CADM1: variants seen among roughly 807,000 people sequenced by gnomAD.
CADM1 encodes TSLC-1.
CADM1 carries 15 observed loss-of-function variants against 53.1 expected under a neutral mutation model. The ratio of observed to expected loss-of-function variants is 0.28; its 90% CI spans 0.19 to 0.44. CADM1 has a LOEUF of 0.44. Among genes scored for constraint, CADM1 ranks in the 20% least tolerant of loss-of-function variants. CADM1 has a pLI of 1.00. For synonymous variants in CADM1, 281 were observed against 243.0 expected, an observed-to-expected ratio of 1.16 and a Z score of -1.45; for missense variants, 434 against 611.3, an observed-to-expected ratio of 0.71 and a Z score of 3.06.
At chr11:115,212,974 T>G (rs989474581) in intron 7 of CADM1, among the ~76,000 whole-genome samples, 1 of 152,234 alleles carries the variant, frequency 6.6e-6, no homozygotes, top group Non-Finnish European at 1.5e-5. Context: ...CACAAAATGT[T>G]TCTTCTCTTG....
intron 1 of CADM1, among the ~76,000 whole-genome samples, chr11:115,305,996 A>G (rs1397745117): frequency 1.3e-5 from 2 of 151,000 alleles, no homozygotes; most frequent in African/African-American, 4.9e-5. Context: ...ATTTTCCTAT[A>G]TATCAAACCA....
intron 1 of CADM1, among the ~76,000 whole-genome samples, chr11:115,503,522 G>A (rs1177288863): frequency 6.6e-6 from 1 of 151,990 alleles, no homozygotes; most frequent in African/African-American, 2.4e-5. Flanking sequence ...GCGGGCTGCG[G>A]GCTCCCGGCG....
intron 1 of CADM1, among the ~76,000 whole-genome samples, chr11:115,289,594 T>A (rs1212026693): frequency 6.0e-5 from 2 of 33,058 alleles, no homozygotes; most frequent in Non-Finnish European, 8.5e-5. Context: ...TTTTTTTTTC[T>A]TTTTTTTTTT....
chr11:115,502,291 C>G (rs977398312), intron 1 of CADM1, among the ~76,000 whole-genome samples: 1 of 145,094 alleles, frequency 6.9e-6, no homozygotes, highest in African/African-American at 2.6e-5. Context: ...AGTCAAAAAG[C>G]AATATCCCCG....
intron 1 of CADM1, among the ~76,000 whole-genome samples, chr11:115,449,347 T>C (rs1406982168): frequency 1.3e-5 from 2 of 152,236 alleles, no homozygotes; most frequent in East Asian, 1.9e-4. Flanking sequence ...ATAGCACAGA[T>C]GCTCTCTGCT....
intron 1 of CADM1, among the ~76,000 whole-genome samples, chr11:115,439,048 G>A (rs1480766179): frequency 6.6e-6 from 1 of 152,130 alleles, no homozygotes; most frequent in Non-Finnish European, 1.5e-5. Context: ...GGGTGCACTG[G>A]GTCTTCTACC....
chr11:115,198,331 A>G, intron 9 of CADM1, 75 bp downstream of exon 9: 2 of 1,116,022 alleles, frequency 1.8e-6, no homozygotes, highest in Non-Finnish European at 2.6e-6. Flanking sequence ...TGAAGACTAC[A>G]TTTCTCTTTT....
Position 115,178,885 on chromosome 11 carries a change from G to A in CADM1, c.1166-110C>T, listed in dbSNP as rs547686009. The stretch of plus-strand genomic sequence containing the variant: ...GGTCACCTTCTTTTTTAATGGAGGA[G>A]TCACAGAGAACAATCGAGATGGATC... On this transcript the variant is annotated intron_variant, in intron 10 of 11. Transcript: ENST00000331581. The A allele has an allele frequency of 1.1e-5, 13 of 1,184,480 alleles. No homozygotes were observed. The East Asian group carries it at 3.1e-4, about 28-fold the overall frequency. The allele number at this position is 1,184,480 out of a possible 1,614,324, so 73.4% of individuals were successfully genotyped here. A position where few individuals can be genotyped will look rare whatever the true frequency, so the allele number is the denominator to read the frequency against.
At position 115,174,752 on chromosome 11, in the gene CADM1, T is replaced by C; in HGVS notation, c.*1722A>G. The C allele has an allele frequency of 2.3e-6, 2 of 878,354 alleles. No individual in the cohort carries two copies. The highest frequency in any genetic ancestry group is 1.8e-5 in the African/African-American group (1 of 55,200). The allele number at this position is 878,354 out of a possible 1,614,324, so 54.4% of individuals were successfully genotyped here. A position where few individuals can be genotyped will look rare whatever the true frequency, so the allele number is the denominator to read the frequency against. On this transcript the variant is annotated 3_prime_UTR_variant, in exon 12 of 12. Coordinates refer to ENST00000331581, the MANE Select transcript of CADM1 (RefSeq NM_001301043.2). Reference sequence around the variant, plus strand: ...AAATGTAATAGAATATATATTTATATATATATATAGATCTATCTTTTTTGA... The same window carrying C: ...AAATGTAATAGAATATATATTTATACATATATATAGATCTATCTTTTTTGA...
chr11:115,331,831 T>C (rs1231554267), intron 1 of CADM1, among the ~76,000 whole-genome samples: 1 of 151,846 alleles, frequency 6.6e-6, no homozygotes, highest in Non-Finnish European at 1.5e-5. Context: ...AATATTCACA[T>C]AGGCAGAGCT....
intron 1 of CADM1, among the ~76,000 whole-genome samples, chr11:115,453,274 G>A (rs1400265158): frequency 3.3e-5 from 5 of 151,834 alleles, no homozygotes; most frequent in Admixed American, 2.6e-4. Context: ...CTACTTGGGA[G>A]ATGGATTGCT....
intron 1 of CADM1, among the ~76,000 whole-genome samples, chr11:115,482,932 T>C (rs1012828766): frequency 6.6e-6 from 1 of 152,234 alleles, no homozygotes; most frequent in African/African-American, 2.4e-5. Context: ...CTCTCAGTTT[T>C]GTTAGTTATT....
chr11:115,224,724 C>G (rs1201704507), intron 5 of CADM1, among the ~76,000 whole-genome samples: 1 of 152,166 alleles, frequency 6.6e-6, no homozygotes, highest in Non-Finnish European at 1.5e-5. Flanking sequence ...GAATTCCCAG[C>G]TTATGTCGCT....
intron 1 of CADM1, among the ~76,000 whole-genome samples, chr11:115,249,664 T>G (rs1348076275): frequency 6.6e-6 from 1 of 152,214 alleles, no homozygotes; most frequent in African/African-American, 2.4e-5. Flanking sequence ...ATTTCTCTTT[T>G]ACCCCAGAAG....
At chr11:115,177,531 C>T (rs975573313) in intron 11 of CADM1, among the ~76,000 whole-genome samples, 1 of 152,108 alleles carries the variant, frequency 6.6e-6, no homozygotes, top group South Asian at 2.1e-4. Flanking sequence ...TTCAAAGTAA[C>T]AAATCTGAGA....
intron 1 of CADM1, among the ~76,000 whole-genome samples, chr11:115,284,114 CTGTGTGTGTG>C (rs751286330): frequency 1.3e-4 from 13 of 98,686 alleles, no homozygotes; most frequent in East Asian, 1.3e-3. Context: ...CTCTCTCTCT[CTGTGTGTGTG>C]TGTGTGTGTG....
intron 1 of CADM1, among the ~76,000 whole-genome samples, chr11:115,345,567 C>T (rs952312220): frequency 3.9e-5 from 6 of 152,206 alleles, no homozygotes; most frequent in Admixed American, 1.3e-4. Flanking sequence ...TTCTGTCCTA[C>T]CACATCTCAT....
chr11:115,336,656 CT>C (rs1475515926), intron 1 of CADM1, among the ~76,000 whole-genome samples: 1 of 152,048 alleles, frequency 6.6e-6, no homozygotes, highest in African/African-American at 2.4e-5. Context: ...GATTTAAGTT[CT>C]TTCCTGATGT....
At chr11:115,427,930 C>A (rs1465116195) in intron 1 of CADM1, among the ~76,000 whole-genome samples, 1 of 145,218 alleles carries the variant, frequency 6.9e-6, no homozygotes, top group Non-Finnish European at 1.5e-5. Context: ...TCCTTAAGCC[C>A]ATGAGGCGGA....
Sources: gnomAD v4.1 joint callset for allele counts (sites outside exome capture counted in the v4.1 genomes callset) on GRCh38, gnomAD v4.1.1 for gene constraint, MANE v1.5 for transcripts, NCBI Gene and HGNC (gene_info 2026-07-23, HGNC 2026-07-21) for gene names.